HSPA12A: variants seen among roughly 807,000 people sequenced by gnomAD.
HSPA12A encodes the protein heat shock 70 kDa protein 12A.
HSPA12A carries 28 observed loss-of-function variants against 69.2 expected under a neutral mutation model. The ratio of observed to expected loss-of-function variants is 0.40; its 90% confidence interval spans 0.30 to 0.55. HSPA12A has a LOEUF of 0.55. HSPA12A is among the 20% of genes least tolerant of loss of function. HSPA12A has a pLI of 0.38. For synonymous variants in HSPA12A, 345 were observed against 370.5 expected, an observed-to-expected ratio of 0.93 and a Z score of 0.79; for missense variants, 686 against 900.7, an observed-to-expected ratio of 0.76 and a Z score of 3.05.
At chr10:116,847,129 TG>T (rs1192870873) in intron 1 of HSPA12A, among the ~76,000 whole-genome samples, 1 of 152,208 alleles carries the variant, frequency 6.6e-6, no homozygotes, top group Admixed American at 6.5e-5. Context: ...TAACACCCAA[TG>T]CATCATATCG....
intron 2 of HSPA12A, among the ~76,000 whole-genome samples, chr10:116,825,036 A>C (rs542150815): frequency 1.3e-5 from 2 of 151,814 alleles, no homozygotes; most frequent in South Asian, 4.2e-4. Context: ...AGAAATACAA[A>C]AATTAACCGG....
intron 2 of HSPA12A, among the ~76,000 whole-genome samples, chr10:116,761,367 TCCCAGCTACTTGGGA>T (rs1355437117): frequency 6.6e-6 from 1 of 151,762 alleles, no homozygotes; most frequent in African/African-American, 2.4e-5. Context: ...ACACCTGTAG[TCCCAGCTACTTGGGA>T]GGCTAAGGTA....
At chr10:116,799,022 T>G (rs1004981419) in intron 2 of HSPA12A, among the ~76,000 whole-genome samples, 2 of 152,070 alleles carry the variant, frequency 1.3e-5, no homozygotes, top group Non-Finnish European at 2.9e-5. Context: ...CCCAGGGCTC[T>G]GCTGACTCTT....
chr10:116,703,008 C>T (rs1589643587), intron 3 of HSPA12A, among the ~76,000 whole-genome samples: 1 of 152,194 alleles, frequency 6.6e-6, no homozygotes, highest in African/African-American at 2.4e-5. Context: ...AGAACAACTA[C>T]ATAGAAGCTG....
chr10:116,731,428 G>A (rs1465338738), intron 1 of HSPA12A, among the ~76,000 whole-genome samples: 2 of 152,168 alleles, frequency 1.3e-5, no homozygotes, highest in Non-Finnish European at 2.9e-5. Context: ...CAGACCGGAT[G>A]ACCACGGTCC....
At chr10:116,682,705 AT>A (rs372889664) in intron 7 of HSPA12A, among the ~76,000 whole-genome samples, 5 of 151,118 alleles carry the variant, frequency 3.3e-5, no homozygotes, top group African/African-American at 1.2e-4. Flanking sequence ...AGTTCCCACA[AT>A]TTTTTTTTCT....
intron 2 of HSPA12A, among the ~76,000 whole-genome samples, chr10:116,705,769 C>G (rs901071025): frequency 2.0e-5 from 3 of 152,222 alleles, no homozygotes; most frequent in Non-Finnish European, 4.4e-5. Flanking sequence ...CTGGGCATCC[C>G]AGGACCGTGT....
intron 1 of HSPA12A, among the ~76,000 whole-genome samples, chr10:116,729,483 C>A (rs1851087074): frequency 6.6e-6 from 1 of 152,188 alleles, no homozygotes; most frequent in Non-Finnish European, 1.5e-5. Flanking sequence ...CCACCCCCTG[C>A]ACAGTTAAAA....
At chr10:116,694,119 G>C (rs782177254) in intron 5 of HSPA12A, among the ~76,000 whole-genome samples, 13 of 152,218 alleles carry the variant, frequency 8.5e-5, no homozygotes, top group Non-Finnish European at 1.6e-4. Flanking sequence ...AGAGTTTAGA[G>C]GAGCTGTCAG....
Position 116,800,091 on chromosome 10 carries a change from G to A in HSPA12A, c.91+34844C>T, listed in dbSNP as rs141059647. Among the ~76,000 whole-genome samples the A allele has an allele frequency of 2.4e-3, 368 of 152,230 alleles. 3 individuals carry two copies. The highest frequency in any genetic ancestry group is 7.8e-3 in the African/African-American group (322 of 41,534). ...ATGGAAAAGGATGAACTAGAAACCCGCTTCTCCCAGAAAATGAGAGATGAA... is the reference window on the plus strand; with the variant it reads ...ATGGAAAAGGATGAACTAGAAACCCACTTCTCCCAGAAAATGAGAGATGAA... On this transcript the variant is annotated intron_variant, in intron 2 of 12. Transcript: ENST00000635765.
chr10:116,707,204 A>T lies in HSPA12A; in HGVS notation c.122T>A (p.Ile41Asn). ...TGITPLSPSH[I>N]VNDTDSNVSE... ...ACACACACACACACTTCTTACCACA[A>T]TATGGGAGGGGGACAGAGGCGTTAT... The change falls in exon 2 of 12, where the codon ATT (isoleucine) becomes AAT (asparagine). Residue 41 changes from isoleucine (I) to asparagine (N), a missense_variant. Transcript: ENST00000369209. 1 of 1,591,964 alleles carries T rather than the reference A, an allele frequency of 6.3e-7. No individual in the cohort carries two copies.
At chr10:116,800,735 G>A (rs1159914933) in intron 2 of HSPA12A, among the ~76,000 whole-genome samples, 2 of 152,214 alleles carry the variant, frequency 1.3e-5, no homozygotes, top group Non-Finnish European at 1.5e-5. Flanking sequence ...GAGCCCAGCA[G>A]TAATGTCTGT....
chr10:116,749,791 G>T (rs1294218567), intron 2 of HSPA12A: 1 of 152,430 alleles, frequency 6.6e-6, no homozygotes, highest in Non-Finnish European at 1.5e-5. Flanking sequence ...TTGCCTGGAG[G>T]TGGATTCTCC....
At chr10:116,804,342 T>A (rs1845024236) in intron 2 of HSPA12A, among the ~76,000 whole-genome samples, 1 of 152,156 alleles carries the variant, frequency 6.6e-6, no homozygotes, top group Non-Finnish European at 1.5e-5. Flanking sequence ...CGTGAAGTTG[T>A]AACAGCGGTG....
chr10:116,694,899 T>G (rs1457518145), intron 5 of HSPA12A, among the ~76,000 whole-genome samples: 1 of 152,174 alleles, frequency 6.6e-6, no homozygotes, highest in African/African-American at 2.4e-5. Context: ...TCACAACGCT[T>G]GTCTCTGACT....
At chr10:116,838,248 C>T (rs893162441) in intron 1 of HSPA12A, among the ~76,000 whole-genome samples, 9 of 151,252 alleles carry the variant, frequency 6.0e-5, no homozygotes, top group African/African-American at 1.9e-4. Flanking sequence ...CCCATTCGTA[C>T]AGAGCAACAC....
At chr10:116,696,023 A>AAAAAAAAAAAAAAAAG in intron 5 of HSPA12A, among the ~76,000 whole-genome samples, 1 of 147,994 alleles carries the variant, frequency 6.8e-6, no homozygotes, top group African/African-American at 2.5e-5. Flanking sequence ...AAAAAAAAAA[A>AAAAAAAAAAAAAAAAG]GGCTTGCAGG....
At chr10:116,775,978 T>G (rs78639763) in intron 2 of HSPA12A, among the ~76,000 whole-genome samples, 2,225 of 152,286 alleles carry the variant, frequency 0.015, 62 homozygotes, top group African/African-American at 0.05. Flanking sequence ...TGGCCTCACG[T>G]TGGTGGTGAG....
chr10:116,692,027 C>T (rs1217200074), intron 6 of HSPA12A, among the ~76,000 whole-genome samples: 3 of 152,236 alleles, frequency 2.0e-5, no homozygotes, highest in Non-Finnish European at 2.9e-5. Flanking sequence ...ATTTCACCCA[C>T]AGAGAAATGT....
Sources: gnomAD v4.1 joint callset for allele counts (sites outside exome capture counted in the v4.1 genomes callset) on GRCh38, gnomAD v4.1.1 for gene constraint, MANE v1.5 for transcripts, NCBI Gene and HGNC (gene_info 2026-07-23, HGNC 2026-07-21) for gene names.